The following KCND2 variants were observed in gnomAD, a reference collection of about 807,000 sequenced individuals.
KCND2 encodes A-type voltage-gated potassium channel KCND2.
In KCND2, 16 loss-of-function variants were observed where a neutral mutation model predicts 54.4. The ratio of observed to expected loss-of-function variants is 0.29; its 90% confidence interval spans 0.20 to 0.45. KCND2 has a LOEUF of 0.45. KCND2 is among the 20% of genes least tolerant of loss of function. The probability of loss-of-function intolerance (pLI) is 1.00; values close to 1 mark genes in which losing one functional copy is unlikely to be tolerated. For synonymous variants in KCND2, 317 were observed against 310.7 expected, an observed-to-expected ratio of 1.02 and a Z score of -0.21; for missense variants, 486 against 824.2, an observed-to-expected ratio of 0.59 and a Z score of 5.02.
intron 1 of KCND2, among the ~76,000 whole-genome samples, chr7:120,513,615 A>G (rs1803153169): frequency 6.6e-6 from 1 of 152,128 alleles, no homozygotes; most frequent in Non-Finnish European, 1.5e-5. Context: ...AGTACTATAT[A>G]AAGATATGAA....
chr7:120,508,641 A>C (rs1430935693), intron 1 of KCND2, among the ~76,000 whole-genome samples: 1 of 152,052 alleles, frequency 6.6e-6, no homozygotes, highest in African/African-American at 2.4e-5. Flanking sequence ...ATGGGAAAAA[A>C]GTGCAAATAC....
intron 1 of KCND2, among the ~76,000 whole-genome samples, chr7:120,333,241 T>G (rs2116350920): frequency 6.6e-6 from 1 of 152,260 alleles, no homozygotes; most frequent in Admixed American, 6.5e-5. Flanking sequence ...CTTCACAGAC[T>G]TATTGTAAGG....
At chr7:120,593,185 C>G (rs1209473264) in intron 1 of KCND2, among the ~76,000 whole-genome samples, 2 of 152,110 alleles carry the variant, frequency 1.3e-5, no homozygotes, top group African/African-American at 4.8e-5. Context: ...AATTTTGTAC[C>G]TATCAAATAT....
At chr7:120,641,436 T>C (rs887419657) in intron 1 of KCND2, among the ~76,000 whole-genome samples, 1 of 152,178 alleles carries the variant, frequency 6.6e-6, no homozygotes, top group East Asian at 1.9e-4. Context: ...ACCAAACTAC[T>C]CTGTGACCTT....
chr7:120,609,865 C>A (rs111808303), intron 1 of KCND2, among the ~76,000 whole-genome samples: 4 of 152,086 alleles, frequency 2.6e-5, no homozygotes, highest in Non-Finnish European at 5.9e-5. Flanking sequence ...TAAATCCAGC[C>A]CTTTTCTCAC....
At chr7:120,392,609 C>T (rs146511649) in intron 1 of KCND2, among the ~76,000 whole-genome samples, 1 of 151,728 alleles carries the variant, frequency 6.6e-6, no homozygotes, top group African/African-American at 2.4e-5. Context: ...TTTACTTTTT[C>T]TCTAGACCAT....
At chr7:120,477,852 T>A (rs1436555423) in intron 1 of KCND2, among the ~76,000 whole-genome samples, 2 of 152,158 alleles carry the variant, frequency 1.3e-5, no homozygotes, top group Non-Finnish European at 2.9e-5. Flanking sequence ...AGGATCAGCA[T>A]GAGTATCTAT....
intron 1 of KCND2, among the ~76,000 whole-genome samples, chr7:120,715,694 G>A (rs1792594539): frequency 6.6e-6 from 1 of 152,054 alleles, no homozygotes; most frequent in Non-Finnish European, 1.5e-5. Context: ...GAAAGATAAA[G>A]ATCTTAAAGT....
At chr7:120,507,679 G>A (rs1803047511) in intron 1 of KCND2, among the ~76,000 whole-genome samples, 2 of 151,798 alleles carry the variant, frequency 1.3e-5, no homozygotes, top group Admixed American at 6.6e-5. Flanking sequence ...AATATGTCTG[G>A]ATTTCCTATA....
chr7:120,349,703 C>T (rs1289149932), intron 1 of KCND2, among the ~76,000 whole-genome samples: 2 of 152,072 alleles, frequency 1.3e-5, no homozygotes, highest in African/African-American at 2.4e-5. Flanking sequence ...TTTTGAGCCC[C>T]TGTTATAGTC....
intron 1 of KCND2, among the ~76,000 whole-genome samples, chr7:120,531,774 A>G (rs556834738): frequency 2.0e-4 from 31 of 152,008 alleles, no homozygotes; most frequent in African/African-American, 7.2e-4. Context: ...GACTTTATAT[A>G]CTTGTCTTCT....
At position 120,732,954 on chromosome 7, in the gene KCND2, C is replaced by T. The variant is rs1449365861; in HGVS notation, c.1167C>T (p.Ile389=). The T allele has an allele frequency of 1.2e-6, 2 of 1,613,630 alleles. No homozygotes were observed. Among genetic ancestry groups the T allele is most frequent in the Non-Finnish European group, 1.7e-6 (2 of 1,179,736 alleles). The change falls in exon 2 of 6, where the codon ATC becomes ATT. Residue 389 remains isoleucine (I), a synonymous_variant. Coordinates refer to ENST00000331113, the MANE Select transcript of KCND2 (RefSeq NM_012281.3). ...TAGCAGGGAAGATTTTTGGTTCTAT[C>T]TGTTCGCTGAGTGGGGTCTTGGTCA... The part of the protein sequence containing the change: ...KTIAGKIFGS[I]CSLSGVLVIA...
At chr7:120,448,641 A>G (rs1034380789) in intron 1 of KCND2, among the ~76,000 whole-genome samples, 1 of 152,142 alleles carries the variant, frequency 6.6e-6, no homozygotes, top group African/African-American at 2.4e-5. Context: ...TTTTAGACCA[A>G]TATCCCTGAT....
At chr7:120,347,207 TTTC>T (rs1482468659) in intron 1 of KCND2, among the ~76,000 whole-genome samples, 2 of 152,192 alleles carry the variant, frequency 1.3e-5, no homozygotes, top group African/African-American at 4.8e-5. Context: ...TTTCTTTTTA[TTTC>T]TTTTCTGTTT....
intron 1 of KCND2, among the ~76,000 whole-genome samples, chr7:120,609,028 A>C (rs1172911784): frequency 6.6e-6 from 1 of 152,132 alleles, no homozygotes; most frequent in African/African-American, 2.4e-5. Context: ...TTCCCTACTC[A>C]GGCTGGGATA....
intron 1 of KCND2, among the ~76,000 whole-genome samples, chr7:120,468,599 A>C (rs149438166): frequency 6.6e-6 from 1 of 152,070 alleles, no homozygotes; most frequent in Non-Finnish European, 1.5e-5. Context: ...TCTGTAGGCT[A>C]TTTTTAGAAA....
chr7:120,701,200 G>C (rs1233934187), intron 1 of KCND2, among the ~76,000 whole-genome samples: 1 of 126,490 alleles, frequency 7.9e-6, no homozygotes, highest in African/African-American at 3.0e-5. Context: ...GTCATAGCTA[G>C]CTGGACTAAT....
intron 1 of KCND2, among the ~76,000 whole-genome samples, chr7:120,729,702 C>A (rs1218287631): frequency 6.6e-6 from 1 of 152,214 alleles, no homozygotes; most frequent in Admixed American, 6.5e-5. Flanking sequence ...TTTGTGCCCC[C>A]TTCCTCTTCT....
Position 120,274,412 on chromosome 7 carries a change from G to A in KCND2, c.-221G>A. Reference sequence around the variant, plus strand: ...TGTTGAGGGTGATTGTTAGGACGTTGTATTTTGTTGCCATTATTCCAAATA... The same window carrying A: ...TGTTGAGGGTGATTGTTAGGACGTTATATTTTGTTGCCATTATTCCAAATA... On this transcript the variant is annotated 5_prime_UTR_variant, in exon 1 of 6. Transcript: ENST00000331113. 1.6e-6 allele frequency: 1 copy of A among 628,140 alleles called. No individual in the cohort carries two copies. The highest frequency in any genetic ancestry group is 2.9e-6 in the Non-Finnish European group (1 of 350,638). 38.9% of individuals were successfully genotyped at this position (628,140 alleles called of 1,614,324 possible).
Sources: allele counts gnomAD v4.1 joint callset (sites outside exome capture counted in the v4.1 genomes callset), GRCh38; gene constraint gnomAD v4.1.1; transcripts MANE v1.5; gene names NCBI Gene and HGNC (gene_info 2026-07-23, HGNC 2026-07-21).